The following STPG2 variants were observed in gnomAD, a reference collection of about 807,000 sequenced individuals.
STPG2 encodes the protein sperm tail PG-rich repeat containing 2, also known as sperm-tail PG-rich repeat-containing protein 2.
Under a neutral mutation model 54.2 loss-of-function variants are expected in STPG2, and 56 were observed. That is an observed-to-expected ratio of 1.03 (90% confidence interval 0.83 to 1.29). The LOEUF (loss-of-function observed/expected upper bound fraction) is 1.29, where lower values mean the gene tolerates loss of function less well. Ranked by LOEUF, STPG2 falls within the 50% of genes most tolerant of loss-of-function variation. STPG2 has a pLI of 0.00. For synonymous variants in STPG2, 200 were observed against 181.8 expected (o/e 1.10, Z -0.81); for missense variants, 596 against 544.9 (o/e 1.09, Z -0.93).
At chr4:98,008,675 A>G (rs971076520) in intron 5 of STPG2, among the ~76,000 whole-genome samples, 1 of 152,014 alleles carries the variant, frequency 6.6e-6, no homozygotes, top group Non-Finnish European at 1.5e-5. Context: ...AGAAAAAAAA[A>G]AGACTCCACA....
intron 9 of STPG2, among the ~76,000 whole-genome samples, chr4:97,781,235 A>C (rs1319460797): frequency 6.6e-6 from 1 of 152,222 alleles, no homozygotes; most frequent in Non-Finnish European, 1.5e-5. Flanking sequence ...GCAATAAAAA[A>C]CGATAAAGGA....
chr4:97,959,143 C>A (rs897608967), intron 7 of STPG2, among the ~76,000 whole-genome samples: 3 of 151,940 alleles, frequency 2.0e-5, no homozygotes, highest in African/African-American at 4.8e-5. Context: ...ACAATGAAAT[C>A]AAGATGGAAA....
intron 5 of STPG2, among the ~76,000 whole-genome samples, chr4:98,071,868 T>G (rs978615902): frequency 7.2e-5 from 11 of 152,130 alleles, no homozygotes; most frequent in Non-Finnish European, 1.3e-4. Flanking sequence ...TACTATCTCA[T>G]GCCAGTCAGA....
intron 10 of STPG2, among the ~76,000 whole-genome samples, chr4:97,619,609 C>T (rs1733959323): frequency 6.8e-6 from 1 of 146,742 alleles, no homozygotes; most frequent in Non-Finnish European, 1.5e-5. Flanking sequence ...ACCCTGTTAT[C>T]TTTTTCCTAA....
intron 5 of STPG2, among the ~76,000 whole-genome samples, chr4:98,013,922 C>T (rs1735841407): frequency 6.6e-6 from 1 of 151,928 alleles, no homozygotes; most frequent in African/African-American, 2.4e-5. Flanking sequence ...ACAAACAGCT[C>T]CTGGATTCAC....
intron 9 of STPG2, among the ~76,000 whole-genome samples, chr4:97,783,638 C>T (rs565185166): frequency 2.6e-4 from 39 of 152,218 alleles, no homozygotes; most frequent in Non-Finnish European, 4.7e-4. Context: ...ATGTTTACTG[C>T]GGCACTATTC....
chr4:97,769,486 T>TA (rs924842634), intron 9 of STPG2, among the ~76,000 whole-genome samples: 13 of 151,742 alleles, frequency 8.6e-5, no homozygotes, highest in East Asian at 1.9e-4. Flanking sequence ...GTAGTAAAAG[T>TA]AAAAAAAATA....
intron 1 of STPG2, among the ~76,000 whole-genome samples, chr4:98,140,891 C>T (rs1740263657): frequency 1.3e-5 from 2 of 152,138 alleles, no homozygotes; most frequent in Admixed American, 1.3e-4. Flanking sequence ...GAAAGCTCAC[C>T]TTAGAGACAT....
chr4:97,499,942 A>T (rs1208211033), intron 4 of STPG2, among the ~76,000 whole-genome samples: 1 of 152,036 alleles, frequency 6.6e-6, no homozygotes, highest in Non-Finnish European at 1.5e-5. Flanking sequence ...CATAGGCCTC[A>T]TATCATTGTT....
intron 5 of STPG2, among the ~76,000 whole-genome samples, chr4:98,052,907 A>T (rs17483521): frequency 0.39 from 59,916 of 151,972 alleles, 12,038 homozygotes; most frequent in Middle Eastern, 0.46. Flanking sequence ...GAGATAGTAA[A>T]TTCGGTGACT....
intron 10 of STPG2, among the ~76,000 whole-genome samples, chr4:97,650,586 G>T (rs545713470): frequency 6.6e-6 from 1 of 152,232 alleles, no homozygotes; most frequent in Admixed American, 6.5e-5. Flanking sequence ...AAAAGGAAAT[G>T]TTCAGGCTGA....
chr4:97,455,094 C>CA (rs1279960373), intron 4 of STPG2, among the ~76,000 whole-genome samples: 1 of 151,956 alleles, frequency 6.6e-6, no homozygotes, highest in Non-Finnish European at 1.5e-5. Flanking sequence ...ATAACCTTCA[C>CA]AAAAAATAGC....
intron 9 of STPG2, among the ~76,000 whole-genome samples, chr4:97,808,196 A>C (rs1727629002): frequency 6.6e-6 from 1 of 152,052 alleles, no homozygotes; most frequent in African/African-American, 2.4e-5. Context: ...AAACAGAGCA[A>C]TGAAATAACA....
chr4:98,010,777 T>C (rs933180229), intron 5 of STPG2, among the ~76,000 whole-genome samples: 2 of 152,158 alleles, frequency 1.3e-5, no homozygotes, highest in Non-Finnish European at 2.9e-5. Context: ...TTCGAATCCT[T>C]TTGCTTTATA....
intron 2 of STPG2, among the ~76,000 whole-genome samples, chr4:98,130,050 G>A (rs930857084): frequency 1.3e-5 from 2 of 151,722 alleles, no homozygotes; most frequent in Admixed American, 1.3e-4. Flanking sequence ...AGTAGAGATG[G>A]GGTTTCACCA....
At chr4:97,674,244 G>T (rs10513769) in intron 10 of STPG2, among the ~76,000 whole-genome samples, 1 of 151,834 alleles carries the variant, frequency 6.6e-6, no homozygotes, top group African/African-American at 2.4e-5. Flanking sequence ...ACGTAACAGA[G>T]GTTCACACAT....
intron 10 of STPG2, among the ~76,000 whole-genome samples, chr4:97,596,007 CT>C (rs1442799360): frequency 8.5e-5 from 13 of 152,138 alleles, no homozygotes; most frequent in Non-Finnish European, 7.4e-5. Context: ...CAACAATACG[CT>C]TTCTTCAAGA....
intron 10 of STPG2, among the ~76,000 whole-genome samples, chr4:97,710,200 A>G (rs957147880): frequency 1.3e-5 from 2 of 151,990 alleles, no homozygotes; most frequent in African/African-American, 4.8e-5. Context: ...TCCAATAAAT[A>G]TCAATAACTA....
chr4:97,804,624 A>G (rs1727497245), intron 9 of STPG2, among the ~76,000 whole-genome samples: 1 of 152,180 alleles, frequency 6.6e-6, no homozygotes, highest in African/African-American at 2.4e-5. Context: ...AGAGTAGGCT[A>G]AGGTTAATTT....
Sources: gnomAD v4.1 joint callset for allele counts (sites outside exome capture counted in the v4.1 genomes callset) on GRCh38, gnomAD v4.1.1 for gene constraint, MANE v1.5 for transcripts, NCBI Gene and HGNC (gene_info 2026-07-23, HGNC 2026-07-21) for gene names.